NAALAD2: variants seen among roughly 807,000 people sequenced by gnomAD.
NAALAD2 encodes the protein N-acetylated alpha-linked acidic dipeptidase 2.
A neutral mutation model predicts 95.6 loss-of-function variants in NAALAD2; 89 were observed. That is an observed-to-expected ratio of 0.93 (90% CI 0.78 to 1.11). The LOEUF is 1.11. Ranked by LOEUF, NAALAD2 falls within the 50% of genes least tolerant of loss-of-function variation. The probability of loss-of-function intolerance (pLI) is 0.00; values close to 1 mark genes in which losing one functional copy is unlikely to be tolerated. For synonymous variants in NAALAD2, 264 were observed against 294.4 expected (o/e 0.90, Z 1.06); for missense variants, 894 against 872.4 (o/e 1.02, Z -0.31).
At chr11:90,189,376 A>C (rs563222832) in intron 18 of NAALAD2, among the ~76,000 whole-genome samples, 1 of 152,354 alleles carries the variant, frequency 6.6e-6, no homozygotes, top group Admixed American at 6.5e-5. Context: ...TCTGTAATGG[A>C]ATCTAAAAAG....
chr11:90,137,499 A>T lies in NAALAD2; in HGVS notation c.194+1829A>T, dbSNP rs75902249. Among the ~76,000 whole-genome samples, 654 of 152,330 alleles carry T rather than the reference A, an allele frequency of 4.3e-3. 7 individuals carry two copies. Among genetic ancestry groups the T allele is most frequent in the African/African-American group, 0.015 (618 of 41,568 alleles). On this transcript the variant is annotated intron_variant, in intron 2 of 18. Coordinates refer to ENST00000534061, the MANE Select transcript of NAALAD2 (RefSeq NM_005467.4). ...CTATAAATGTGTACAAGTAGTAGGT[A>T]GCCATAAAATTTAAAAATAAATAAT...
chr11:90,162,516 C>A (rs1197590306), intron 8 of NAALAD2: 2 of 151,884 alleles, frequency 1.3e-5, no homozygotes, highest in African/African-American at 2.4e-5. Flanking sequence ...TAAATAGATA[C>A]ATTTAAATAA....
chr11:90,168,685 C>T (rs939635222), intron 11 of NAALAD2, among the ~76,000 whole-genome samples: 1 of 152,072 alleles, frequency 6.6e-6, no homozygotes, highest in African/African-American at 2.4e-5. Flanking sequence ...TTAGGGCTCT[C>T]TGCTATTGCT....
intron 2 of NAALAD2, among the ~76,000 whole-genome samples, chr11:90,141,284 A>T (rs1212705725): frequency 1.3e-5 from 2 of 152,214 alleles, no homozygotes; most frequent in African/African-American, 4.8e-5. Context: ...GAGCTTTGAT[A>T]GGAATTACAT....
chr11:90,170,700 G>A (rs1176462271), intron 13 of NAALAD2, among the ~76,000 whole-genome samples: 1 of 152,188 alleles, frequency 6.6e-6, no homozygotes, highest in Non-Finnish European at 1.5e-5. Context: ...GTGGCTGGGG[G>A]AAGTTGAGGA....
At chr11:90,160,421 T>C (rs1952262099) in intron 8 of NAALAD2, among the ~76,000 whole-genome samples, 1 of 152,230 alleles carries the variant, frequency 6.6e-6, no homozygotes, top group Non-Finnish European at 1.5e-5. Context: ...TCTTCTTTGC[T>C]AACAATTTAC....
At chr11:90,148,345 G>C in intron 3 of NAALAD2, among the ~76,000 whole-genome samples, 1 of 152,166 alleles carries the variant, frequency 6.6e-6, no homozygotes, top group Admixed American at 6.6e-5. Flanking sequence ...ATTAGTGATT[G>C]ACTTGGGGAA....
At chr11:90,149,491 G>T in intron 4 of NAALAD2, among the ~76,000 whole-genome samples, 1 of 152,132 alleles carries the variant, frequency 6.6e-6, no homozygotes, top group South Asian at 2.1e-4. Flanking sequence ...CTGGAGTGCA[G>T]TGGCACAATC....
intron 18 of NAALAD2, among the ~76,000 whole-genome samples, chr11:90,184,808 C>G (rs1042626518): frequency 6.6e-6 from 1 of 151,874 alleles, no homozygotes; most frequent in Non-Finnish European, 1.5e-5. Context: ...AGTCAGCCCT[C>G]TGTATCTGTG....
intron 2 of NAALAD2, among the ~76,000 whole-genome samples, chr11:90,146,635 G>A (rs1459943370): frequency 6.6e-6 from 1 of 151,944 alleles, no homozygotes; most frequent in African/African-American, 2.4e-5. Flanking sequence ...AAAGTGCTGG[G>A]ATTACAGGTG....
At chr11:90,155,031 GTATA>G (rs1411612366) in intron 6 of NAALAD2, among the ~76,000 whole-genome samples, 5 of 118,838 alleles carry the variant, frequency 4.2e-5, no homozygotes, top group African/African-American at 1.5e-4. Flanking sequence ...TACATAATAT[GTATA>G]TATGTGTGTA....
chr11:90,173,079 C>T (rs1386583409), intron 13 of NAALAD2, among the ~76,000 whole-genome samples: 2 of 152,000 alleles, frequency 1.3e-5, no homozygotes, highest in African/African-American at 2.4e-5. Flanking sequence ...CTCCACAGTC[C>T]ACAATGTTTT....
chr11:90,178,143 TAC>T (rs755240752), intron 16 of NAALAD2, 26 bp downstream of exon 16: 1 of 1,590,802 alleles, frequency 6.3e-7, no homozygotes, highest in South Asian at 1.2e-5. Context: ...GCAGATATTT[TAC>T]AGTCTTTAAG....
chr11:90,160,935 A>G (rs1952276013), intron 8 of NAALAD2, among the ~76,000 whole-genome samples: 1 of 152,164 alleles, frequency 6.6e-6, no homozygotes, highest in African/African-American at 2.4e-5. Context: ...CCATTAATCC[A>G]TTTACAGATA....
chr11:90,186,078 C>T (rs1040613012), intron 18 of NAALAD2, among the ~76,000 whole-genome samples: 2 of 151,686 alleles, frequency 1.3e-5, no homozygotes, highest in Non-Finnish European at 2.9e-5. Context: ...GCACATTGTG[C>T]AGGTTAGTTA....
chr11:90,141,620 T>G (rs1315547332), intron 2 of NAALAD2, among the ~76,000 whole-genome samples: 1 of 148,934 alleles, frequency 6.7e-6, no homozygotes, highest in Admixed American at 6.8e-5. Context: ...GTTTTGGTTT[T>G]GGGGGGGTTT....
chr11:90,176,462 C>T (rs1233364193), intron 15 of NAALAD2, among the ~76,000 whole-genome samples: 4 of 152,096 alleles, frequency 2.6e-5, no homozygotes, highest in Admixed American at 2.0e-4. Context: ...GGGTAAGATT[C>T]ATTATTGTCG....
chr11:90,170,713 A>G (rs745315811), intron 13 of NAALAD2, among the ~76,000 whole-genome samples: 2 of 152,230 alleles, frequency 1.3e-5, no homozygotes, highest in Non-Finnish European at 1.5e-5. Context: ...GTTGAGGAGC[A>G]TAAGAAGAGG....
intron 16 of NAALAD2, among the ~76,000 whole-genome samples, chr11:90,178,628 G>A (rs577092983): frequency 2.0e-5 from 3 of 150,750 alleles, no homozygotes; most frequent in Non-Finnish European, 2.9e-5. Context: ...CTGAGATCGC[G>A]CCACTGCACT....
Sources: gnomAD v4.1 joint callset for allele counts (sites outside exome capture counted in the v4.1 genomes callset) on GRCh38, gnomAD v4.1.1 for gene constraint, MANE v1.5 for transcripts, NCBI Gene and HGNC (gene_info 2026-07-23, HGNC 2026-07-21) for gene names.